Variants in CEP70 observed in about 807,000 individuals in gnomAD.
The protein encoded by CEP70 is centrosomal protein of 70 kDa.
A neutral mutation model predicts 90.9 loss-of-function variants in CEP70; 70 were observed. The ratio of observed to expected loss-of-function variants is 0.77; its 90% CI spans 0.64 to 0.94. The LOEUF is 0.94. Among genes scored for constraint, CEP70 ranks in the 40% least tolerant of loss-of-function variants. The pLI, the probability that CEP70 is intolerant of heterozygous loss-of-function variation, is 0.00. For missense variants in CEP70, 648 were observed against 669.0 expected, an observed-to-expected ratio of 0.97 and a Z score of 0.35; for synonymous variants, 220 against 228.3, an observed-to-expected ratio of 0.96 and a Z score of 0.33.
intron 6 of CEP70, among the ~76,000 whole-genome samples, chr3:138,554,819 C>T (rs976312095): frequency 2.0e-5 from 3 of 152,136 alleles, no homozygotes; most frequent in Non-Finnish European, 4.4e-5. Context: ...AGTCCTTTGT[C>T]GGATGTATAG....
chr3:138,518,947 G>A (rs1318549102), intron 11 of CEP70, among the ~76,000 whole-genome samples: 2 of 152,096 alleles, frequency 1.3e-5, no homozygotes, highest in East Asian at 1.9e-4. Context: ...AAAATTAGAC[G>A]AATGACTAAC....
intron 13 of CEP70, 115 bp from the exon 14 acceptor site, chr3:138,500,996 A>C (rs1009104883): frequency 2.8e-6 from 1 of 361,420 alleles, no homozygotes; most frequent in African/African-American, 2.1e-5. Context: ...TTATAAAATT[A>C]ATAAAACATA....
intron 6 of CEP70, among the ~76,000 whole-genome samples, chr3:138,553,783 T>C (rs192849059): frequency 1.3e-5 from 2 of 152,184 alleles, no homozygotes; most frequent in African/African-American, 4.8e-5. Flanking sequence ...ATCAAGTGGG[T>C]CTTATACCAG....
chr3:138,543,846 A>AACT (rs2038956949), intron 6 of CEP70, among the ~76,000 whole-genome samples: 1 of 152,214 alleles, frequency 6.6e-6, no homozygotes, highest in Non-Finnish European at 1.5e-5. Context: ...CCCTCAAAAT[A>AACT]ACTACAGCAA....
intron 7 of CEP70, 52 bp from the exon 8 acceptor site, chr3:138,532,622 A>C: frequency 7.6e-7 from 1 of 1,323,312 alleles, no homozygotes; most frequent in Non-Finnish European, 1.0e-6. Context: ...GTATTACAGC[A>C]TCTACTAGTT....
chr3:138,519,057 C>A (rs533232717), intron 11 of CEP70, among the ~76,000 whole-genome samples: 2 of 152,090 alleles, frequency 1.3e-5, no homozygotes, highest in African/African-American at 4.8e-5. Flanking sequence ...GTAGCCGATT[C>A]GATCAACTGG....
chr3:138,507,253 TACACA>T lies in CEP70; in HGVS notation c.1050+1181_1050+1185del, dbSNP rs529548945. Among the ~76,000 whole-genome samples, 598 of 152,248 alleles carry T rather than the reference TACACA, an allele frequency of 3.9e-3. 3 individuals carry two copies. The highest frequency in any genetic ancestry group is 0.014 in the African/African-American group (574 of 41,556). ...AATATGCAAGAGCTAAATTTAAAAA[TACACA>T]ACACTTTATTGAAGACTATAAAAGA... On this transcript the variant is annotated intron_variant, in intron 12 of 17. Transcript: ENST00000264982.
At chr3:138,585,176 G>C (rs1230246980) in intron 2 of CEP70, among the ~76,000 whole-genome samples, 1 of 151,990 alleles carries the variant, frequency 6.6e-6, no homozygotes, top group Non-Finnish European at 1.5e-5. Context: ...TATTTGAACT[G>C]GTAAACAAAT....
intron 6 of CEP70, among the ~76,000 whole-genome samples, chr3:138,543,387 C>A (rs1268711767): frequency 6.6e-6 from 1 of 152,248 alleles, no homozygotes; most frequent in Non-Finnish European, 1.5e-5. Context: ...ACACACCTGA[C>A]TGGGTCATGA....
chr3:138,502,019 G>A (rs189308643), intron 13 of CEP70, among the ~76,000 whole-genome samples: 6 of 152,230 alleles, frequency 3.9e-5, no homozygotes, highest in South Asian at 4.1e-4. Flanking sequence ...ATGGCACAGC[G>A]CTTGGTCCTT....
At chr3:138,564,310 C>T (rs13073978) in intron 6 of CEP70, among the ~76,000 whole-genome samples, 10,791 of 152,182 alleles carry the variant, frequency 0.071, 781 homozygotes, top group East Asian at 0.38. Context: ...CTATTCCAAT[C>T]AATAGAAGAT....
At chr3:138,518,334 G>A (rs2036258813) in intron 11 of CEP70, among the ~76,000 whole-genome samples, 1 of 152,212 alleles carries the variant, frequency 6.6e-6, no homozygotes, top group African/African-American at 2.4e-5. Context: ...GGATAGAGTA[G>A]TGGTTCTCCC....
At chr3:138,551,025 C>T (rs1365248395) in intron 6 of CEP70, among the ~76,000 whole-genome samples, 1 of 152,134 alleles carries the variant, frequency 6.6e-6, no homozygotes, top group East Asian at 1.9e-4. Flanking sequence ...CAAAGAACAC[C>T]TGAGAAATTC....
intron 2 of CEP70, among the ~76,000 whole-genome samples, chr3:138,579,065 T>G (rs896407608): frequency 1.3e-5 from 2 of 152,180 alleles, no homozygotes; most frequent in Non-Finnish European, 2.9e-5. Context: ...AGAGAATCTG[T>G]GCACTTAGGG....
intron 11 of CEP70, among the ~76,000 whole-genome samples, chr3:138,523,613 C>T (rs539671339): frequency 6.6e-6 from 1 of 152,128 alleles, no homozygotes; most frequent in African/African-American, 2.4e-5. Context: ...CATGAGTGAA[C>T]TCCCATTCAC....
chr3:138,562,920 G>C (rs1576845071), intron 6 of CEP70, among the ~76,000 whole-genome samples: 1 of 152,018 alleles, frequency 6.6e-6, no homozygotes, highest in African/African-American at 2.4e-5. Flanking sequence ...AAATTAGATA[G>C]AGTCAAGACC....
At chr3:138,539,927 A>G (rs1162820396) in intron 6 of CEP70, among the ~76,000 whole-genome samples, 1 of 152,206 alleles carries the variant, frequency 6.6e-6, no homozygotes, top group African/African-American at 2.4e-5. Context: ...TTCATGACAA[A>G]GACACCAAAA....
Position 138,562,400 on chromosome 3 carries a change from G to C in CEP70, c.465+7918C>G, listed in dbSNP as rs573440174. Among the ~76,000 whole-genome samples, 9 of 152,088 alleles carry C rather than the reference G, an allele frequency of 5.9e-5. No individual in the cohort carries two copies. The Middle Eastern group carries it at 0.01, about 172-fold the overall frequency. ...CTTGAGAAGAGCAACCCCAAGACACGTGATTGTCAGATTCACCAAGGTTGA... is the reference window on the plus strand; with the variant it reads ...CTTGAGAAGAGCAACCCCAAGACACCTGATTGTCAGATTCACCAAGGTTGA... On this transcript the variant is annotated intron_variant, in intron 6 of 17. Coordinates refer to ENST00000264982, the MANE Select transcript of CEP70 (RefSeq NM_024491.4).
At chr3:138,581,260 C>T (rs539834339) in intron 2 of CEP70, among the ~76,000 whole-genome samples, 20 of 141,602 alleles carry the variant, frequency 1.4e-4, no homozygotes, top group African/African-American at 3.5e-4. Flanking sequence ...CCAGACTGGG[C>T]GACACAGTGA....
Sources: allele counts gnomAD v4.1 joint callset (sites outside exome capture counted in the v4.1 genomes callset), GRCh38; gene constraint gnomAD v4.1.1; transcripts MANE v1.5; gene names NCBI Gene and HGNC (gene_info 2026-07-23, HGNC 2026-07-21).